The following P2RX1 variants were observed in gnomAD, a reference collection of about 807,000 sequenced individuals.
P2RX1 encodes the protein P2X purinoceptor 1.
A neutral mutation model predicts 50.3 loss-of-function variants in P2RX1; 42 were observed. That is an observed-to-expected ratio of 0.83 (90% CI 0.65 to 1.08). P2RX1 has a LOEUF of 1.08. Among genes scored for constraint, P2RX1 ranks in the 50% least tolerant of loss-of-function variants. The pLI is 0.00. For synonymous variants in P2RX1, 199 were observed against 202.6 expected (o/e 0.98, Z 0.15); for missense variants, 449 against 529.0 (o/e 0.85, Z 1.48).
chr17:3,910,771 C>T (rs931960438), intron 1 of P2RX1, among the ~76,000 whole-genome samples: 19 of 152,166 alleles, frequency 1.2e-4, no homozygotes, highest in South Asian at 8.3e-4. Flanking sequence ...CCTGAGGCCC[C>T]CATGCAACCC....
In P2RX1 at chr17:3,914,449, T is replaced by C. The variant is rs971043720; in HGVS notation, c.137+1640A>G. Among the ~76,000 whole-genome samples the C allele has an allele frequency of 1.3e-5, 2 of 152,126 alleles. No individual in the cohort carries two copies. The highest frequency in any genetic ancestry group is 1.5e-5 in the Non-Finnish European group (1 of 68,016). ...GGGAATGGGTGGGTCCCTCCAACGC[T>C]GACAGCCTGTGACACACACAGAGGA... On this transcript the variant is annotated intron_variant, in intron 1 of 11. Transcript: ENST00000225538. The surrounding 1 kb of genome is among the most constrained non-coding windows in gnomAD (Gnocchi z 4.1).
intron 4 of P2RX1, 92 bp from the exon 5 acceptor site, chr17:3,904,116 C>T (rs1201501300): frequency 1.7e-6 from 2 of 1,152,268 alleles, no homozygotes; most frequent in Non-Finnish European, 1.3e-6. Flanking sequence ...ACGGGCCACT[C>T]AAGCAAAGGA....
rs1237572785 is a variant in P2RX1, at chr17:3,914,163, AG to A, written c.137+1925del. Among the ~76,000 whole-genome samples the A allele has an allele frequency of 1.4e-4, 22 of 152,078 alleles. No individual in the cohort carries two copies. The highest frequency in any genetic ancestry group is 1.1e-3 in the Admixed American group (17 of 15,284). Reference sequence around the variant, plus strand: ...GCAGGCCAGTGCCCTCTCTCTGAGGAGGTTGCCTTTCCAGAATATCAAGGCT... The same window carrying A: ...GCAGGCCAGTGCCCTCTCTCTGAGGAGTTGCCTTTCCAGAATATCAAGGCT... On this transcript the variant is annotated intron_variant, in intron 1 of 11. Coordinates refer to ENST00000225538, the MANE Select transcript of P2RX1 (RefSeq NM_002558.4). This position sits in a 1 kb window ranked among gnomAD's most constrained non-coding sequence, Gnocchi z 4.1.
intron 9 of P2RX1, 88 bp from the exon 10 acceptor site, chr17:3,898,637 A>C: frequency 9.9e-7 from 1 of 1,007,982 alleles, no homozygotes; most frequent in Non-Finnish European, 1.5e-6. Context: ...GGACTTCCCC[A>C]CCCTCGGCTG....
chr17:3,903,886 C>G lies in P2RX1; in HGVS notation c.524+42G>C. On this transcript the variant is annotated intron_variant, in intron 5 of 11. Transcript: ENST00000225538. This position sits in a 1 kb window ranked among gnomAD's most constrained non-coding sequence, Gnocchi z 4.6. Reference sequence around the variant, plus strand: ...AGACCTAGGCCCCCCTCTGTCTGGCCTGGGACCCTGTTCTTAGCTCTCTGG... The same window carrying G: ...AGACCTAGGCCCCCCTCTGTCTGGCGTGGGACCCTGTTCTTAGCTCTCTGG... 1.3e-6 allele frequency: 2 copies of G among 1,524,098 alleles called. No homozygotes were observed. The highest frequency in any genetic ancestry group is 2.2e-5 in the East Asian group (1 of 44,450). 94.4% of individuals were successfully genotyped at this position (1,524,098 alleles called of 1,614,324 possible).
chr17:3,898,445 C>T lies in P2RX1; in HGVS notation c.1032+39G>A, dbSNP rs146449821. 3.1e-4 allele frequency: 469 copies of T among 1,537,032 alleles called. 3 individuals carry two copies. The African/African-American group carries it at 5.1e-3, about 17-fold the overall frequency. Reference sequence around the variant, plus strand: ...CTACTGAATTGTGGAAGAGGAGGGGCCAACCCCAGCACAGTGAGCCGGTGA... The same window carrying T: ...CTACTGAATTGTGGAAGAGGAGGGGTCAACCCCAGCACAGTGAGCCGGTGA... On this transcript the variant is annotated intron_variant, in intron 10 of 11. Transcript: ENST00000225538.
Position 3,903,832 on chromosome 17 carries a change from G to T in P2RX1, c.524+96C>A, listed in dbSNP as rs1257045174. On this transcript the variant is annotated intron_variant, in intron 5 of 11. Coordinates refer to ENST00000225538, the MANE Select transcript of P2RX1 (RefSeq NM_002558.4). The surrounding 1 kb of genome is among the most constrained non-coding windows in gnomAD (Gnocchi z 4.6). ...GGTTGCGCGGATGGGGTGAGGGTGG[G>T]GTCAGAAAAAGGGGTAAAGATCCTT... is the stretch of plus-strand genomic sequence containing the variant. 1.7e-6 allele frequency: 2 copies of T among 1,198,352 alleles called. No homozygotes were observed. The highest frequency in any genetic ancestry group is 1.2e-6 in the Non-Finnish European group (1 of 808,896). 74.2% of individuals were successfully genotyped at this position (1,198,352 alleles called of 1,614,324 possible).
At position 3,896,857 on chromosome 17, in the gene P2RX1, G is replaced by A. The variant is rs1332690993; in HGVS notation, c.*957C>T. On this transcript the variant is annotated 3_prime_UTR_variant, in exon 12 of 12. Coordinates refer to ENST00000225538, the MANE Select transcript of P2RX1 (RefSeq NM_002558.4). ...TGTGTGTGCTTGGGGGTGTAGATGT[G>A]TGTAGATGGTTGTGTTTGCAGGGCC... 1.3e-5 allele frequency: 2 copies of A among 152,146 alleles called. No homozygotes were observed. Among genetic ancestry groups the A allele is most frequent in the African/African-American group, 2.4e-5 (1 of 41,340 alleles). The allele number at this position is 152,146 out of a possible 1,614,324, so 9.4% of individuals were successfully genotyped here. A position where few individuals can be genotyped will look rare whatever the true frequency, so the allele number is the denominator to read the frequency against.
Position 3,904,915 on chromosome 17 carries a change from G to T in P2RX1, c.300C>A (p.Phe100Leu). The T allele has an allele frequency of 7.6e-7, 1 of 1,307,234 alleles. No individual in the cohort carries two copies. The highest frequency in any genetic ancestry group is 1.0e-6 in the Non-Finnish European group (1 of 972,884). 81.0% of individuals were successfully genotyped at this position (1,307,234 alleles called of 1,614,324 possible). A position where few individuals can be genotyped will look rare whatever the true frequency, so the allele number is the denominator to read the frequency against. Reference sequence around the variant, plus strand: ...TCACGATGAAATTGGTCATGACCACGAAGGAGTTGTCCCCCTAGAAGTGAG... The same window carrying T: ...TCACGATGAAATTGGTCATGACCACTAAGGAGTTGTCCCCCTAGAAGTGAG... ...YVFPAQGDNS[F>L]VVMTNFIVTP... The change falls in exon 3 of 12, where the codon TTC (phenylalanine) becomes TTA (leucine). Residue 100 changes from phenylalanine to leucine, a missense_variant. Transcript: ENST00000225538.
Position 3,898,123 on chromosome 17 carries a change from A to G in P2RX1, c.1033-13T>C. 1 of 1,609,848 alleles carries G rather than the reference A, an allele frequency of 6.2e-7. No individual in the cohort carries two copies. The highest frequency in any genetic ancestry group is 8.5e-7 in the Non-Finnish European group (1 of 1,176,684). The stretch of plus-strand genomic sequence containing the variant: ...AGAGAACTGTGGCCTGGGGTCAGGG[A>G]AGGGCACGGAGACAGCGTGGGAATC... On this transcript the variant is annotated splice_polypyrimidine_tract_variant and intron_variant, in intron 10 of 11. Coordinates refer to ENST00000225538, the MANE Select transcript of P2RX1 (RefSeq NM_002558.4).
chr17:3,904,963 G>GGGGGGGGGGGGGGGGCC, intron 2 of P2RX1, 34 bp from the exon 3 acceptor site: 1 of 435,322 alleles, frequency 2.3e-6, no homozygotes, highest in East Asian at 6.5e-5. Flanking sequence ...GGTGGGGTGG[G>GGGGGGGGGGGGGGGGCC]CTGGGAGCTG....
chr17:3,901,824 G>T (rs577349815), intron 7 of P2RX1, among the ~76,000 whole-genome samples: 94 of 152,042 alleles, frequency 6.2e-4, no homozygotes, highest in African/African-American at 2.1e-3. Context: ...GGCTTCCCAC[G>T]TGCCAGGCAG....
chr17:3,904,233 G>T lies in P2RX1; in HGVS notation c.427+97C>A, dbSNP rs112160053. On this transcript the variant is annotated intron_variant, in intron 4 of 11. Coordinates refer to ENST00000225538, the MANE Select transcript of P2RX1 (RefSeq NM_002558.4). Reference sequence around the variant, plus strand: ...TCCCGGAGGCCGCCTCGGCGGGAGGGGTGTGGAGAGAGGCAGGTCAGCACC... The same window carrying T: ...TCCCGGAGGCCGCCTCGGCGGGAGGTGTGTGGAGAGAGGCAGGTCAGCACC... The T allele has an allele frequency of 2.0e-4, 256 of 1,249,092 alleles. No homozygotes were observed. The African/African-American group carries it at 3.4e-3, about 17-fold the overall frequency. 77.4% of individuals were successfully genotyped at this position (1,249,092 alleles called of 1,614,324 possible). A position where few individuals can be genotyped will look rare whatever the true frequency, so the allele number is the denominator to read the frequency against.
chr17:3,915,603 G>A (rs1300459596), intron 1 of P2RX1: 1 of 457,142 alleles, frequency 2.2e-6, no homozygotes, highest in South Asian at 1.5e-5. Context: ...GAGTTTCTCT[G>A]CTCCGGGGGC....
chr17:3,904,832 G>C (rs2056228696), intron 3 of P2RX1, 26 bp downstream of exon 3: 1 of 1,562,810 alleles, frequency 6.4e-7, no homozygotes, highest in Non-Finnish European at 8.7e-7. Flanking sequence ...AGTCCCAGAA[G>C]GGGGCTGGCG....
At chr17:3,911,162 T>G (rs1342587397) in intron 1 of P2RX1, among the ~76,000 whole-genome samples, 3 of 151,534 alleles carry the variant, frequency 2.0e-5, no homozygotes, top group African/African-American at 4.8e-5. Context: ...AATTTTTTTT[T>G]TTTTTTTTAG....
chr17:3,902,405 G>A (rs545152469), intron 7 of P2RX1, among the ~76,000 whole-genome samples: 14 of 148,582 alleles, frequency 9.4e-5, no homozygotes, highest in African/African-American at 1.7e-4. Context: ...GCGATTCTCC[G>A]GTCTCAGCCT....
In P2RX1 at chr17:3,914,902, TG is replaced by T. The variant is rs2056423429; in HGVS notation, c.137+1186del. Among the ~76,000 whole-genome samples, 1 of 152,204 alleles carries T rather than the reference TG, an allele frequency of 6.6e-6. No homozygotes were observed. The highest frequency in any genetic ancestry group is 1.9e-4 in the East Asian group (1 of 5,202). On this transcript the variant is annotated intron_variant, in intron 1 of 11. Coordinates refer to ENST00000225538, the MANE Select transcript of P2RX1 (RefSeq NM_002558.4). This position sits in a 1 kb window ranked among gnomAD's most constrained non-coding sequence, Gnocchi z 4.1. ...GAGAGGAGAGGTCAAGGCTGGGGTC[TG>T]GCCCTGGGTCCACCTGGCCGGCTCT...
Position 3,899,010 on chromosome 17 carries a change from A to C in P2RX1, c.890T>G (p.Phe297Cys). Residue 297 changes from phenylalanine to cysteine, a missense_variant, in exon 9 of 12, where the codon TTT (phenylalanine) becomes TGT (cysteine). By Grantham distance (205) the Phe-to-Cys change is radical. Coordinates refer to ENST00000225538, the MANE Select transcript of P2RX1 (RefSeq NM_002558.4). ...PGFNFRFARH[F>C]VENGTNYRHL... ...ACGGTAGTTGGTCCCGTTCTCCACAAAGTGCCTGGCAAACCTTGGGGAAGG... is the reference window on the plus strand; with the variant it reads ...ACGGTAGTTGGTCCCGTTCTCCACACAGTGCCTGGCAAACCTTGGGGAAGG... 6.2e-7 allele frequency: 1 copy of C among 1,612,694 alleles called. No individual in the cohort carries two copies. Among genetic ancestry groups the C allele is most frequent in the Non-Finnish European group, 8.5e-7 (1 of 1,179,460 alleles).
Sources: gnomAD v4.1 joint callset for allele counts (sites outside exome capture counted in the v4.1 genomes callset) on GRCh38, gnomAD v4.1.1 for gene constraint, Gnocchi (gnomAD v3.1) non-coding constraint, MANE v1.5 for transcripts, NCBI Gene and HGNC (gene_info 2026-07-23, HGNC 2026-07-21) for gene names.